Variants in SNCAIP observed in about 807,000 individuals in gnomAD.
SNCAIP encodes synphilin-1.
In SNCAIP, 43 loss-of-function variants were observed where a neutral mutation model predicts 86.7. The ratio of observed to expected loss-of-function variants is 0.50; its 90% CI spans 0.39 to 0.64. SNCAIP has a LOEUF of 0.64. Ranked by LOEUF, SNCAIP falls within the 30% of genes least tolerant of loss-of-function variation. The pLI is 0.00. For missense variants in SNCAIP, 981 were observed against 1,103.1 expected (o/e 0.89, Z 1.57); for synonymous variants, 417 against 427.2 (o/e 0.98, Z 0.29).
intron 7 of SNCAIP, among the ~76,000 whole-genome samples, chr5:122,442,763 T>G (rs1781339225): frequency 6.6e-6 from 1 of 152,226 alleles, no homozygotes; most frequent in Admixed American, 6.5e-5. Context: ...TTATTTTTCT[T>G]TTTAATATGT....
chr5:122,437,437 G>C (rs1335897613), intron 6 of SNCAIP: 2 of 152,060 alleles, frequency 1.3e-5, no homozygotes, highest in Non-Finnish European at 2.9e-5. Flanking sequence ...AAAAGACAAG[G>C]TATATAGTCA....
intron 3 of SNCAIP, among the ~76,000 whole-genome samples, chr5:122,416,975 A>T (rs1207996751): frequency 6.6e-6 from 1 of 152,168 alleles, no homozygotes. Flanking sequence ...AATAAAATCC[A>T]TTTAACTTTT....
At chr5:122,358,252 A>G (rs1375176341) in intron 1 of SNCAIP, among the ~76,000 whole-genome samples, 1 of 149,254 alleles carries the variant, frequency 6.7e-6, no homozygotes, top group Non-Finnish European at 1.5e-5. Flanking sequence ...CATGTGCACA[A>G]CGTGCAGGTT....
Position 122,329,459 on chromosome 5 carries a change from T to A in SNCAIP, c.-47+17175T>A, listed in dbSNP as rs376437638. The stretch of plus-strand genomic sequence containing the variant: ...TAGTTGTTAAATTGTTCTCAATTTA[T>A]GGTCTCCTTTCTATCCCCATTTCCA... On this transcript the variant is annotated intron_variant, in intron 1 of 10. Coordinates refer to ENST00000261368, the MANE Select transcript of SNCAIP (RefSeq NM_005460.4). Among the ~76,000 whole-genome samples the A allele has an allele frequency of 9.8e-5, 15 of 152,328 alleles. 1 individual carries two copies. The highest frequency in any genetic ancestry group is 4.2e-4 in the South Asian group (2 of 4,818).
At chr5:122,437,749 T>C (rs1410221661) in intron 6 of SNCAIP, among the ~76,000 whole-genome samples, 1 of 152,216 alleles carries the variant, frequency 6.6e-6, no homozygotes, top group East Asian at 1.9e-4. Context: ...ATTGTAACAA[T>C]ATAGGTTGAA....
At chr5:122,323,462 A>G (rs1447487453) in intron 1 of SNCAIP, 2 of 152,160 alleles carry the variant, frequency 1.3e-5, no homozygotes, top group African/African-American at 2.4e-5. Context: ...AGACTTGCTC[A>G]TTGCTTCTCT....
At chr5:122,456,381 T>C (rs941235072) in intron 10 of SNCAIP, among the ~76,000 whole-genome samples, 6 of 152,186 alleles carry the variant, frequency 3.9e-5, no homozygotes, top group Admixed American at 3.9e-4. Flanking sequence ...ACATCTACTA[T>C]AGTAATGGTC....
chr5:122,452,995 G>A lies in SNCAIP; in HGVS notation c.2754+1394G>A, dbSNP rs141470184. ...GAAGAGCATCTGTGTAACGACACAC[G>A]GTACGTGGTGCTAGGAGATATGCTG... On this transcript the variant is annotated intron_variant, in intron 10 of 10. Transcript: ENST00000261368. 682 of 1,536,656 alleles carry A rather than the reference G, an allele frequency of 4.4e-4. 1 individual carries two copies. The African/African-American group carries it at 7.1e-3, about 16-fold the overall frequency.
intron 1 of SNCAIP, among the ~76,000 whole-genome samples, chr5:122,349,676 G>C (rs529523391): frequency 2.8e-4 from 42 of 152,252 alleles, no homozygotes; most frequent in African/African-American, 1.0e-3. Flanking sequence ...TTGTGTTTCT[G>C]AGAGGTTGAA....
At chr5:122,450,082 T>G in intron 9 of SNCAIP, 145 bp downstream of exon 9, 1 of 664,246 alleles carries the variant, frequency 1.5e-6, no homozygotes, top group Non-Finnish European at 2.6e-6. Flanking sequence ...GAAATCACAG[T>G]GAAAAAGGCA....
intron 10 of SNCAIP, among the ~76,000 whole-genome samples, chr5:122,456,440 C>A (rs998047064): frequency 2.0e-5 from 3 of 152,118 alleles, no homozygotes; most frequent in Non-Finnish European, 4.4e-5. Flanking sequence ...CATTCCCCCA[C>A]CCCTAACACA....
intron 1 of SNCAIP, among the ~76,000 whole-genome samples, chr5:122,329,134 G>T (rs1162860729): frequency 1.3e-5 from 2 of 151,940 alleles, no homozygotes; most frequent in African/African-American, 4.8e-5. Flanking sequence ...GTCTGGCACA[G>T]AATTATAGCA....
In SNCAIP at chr5:122,423,762, T is replaced by TA. The variant is rs779821134; in HGVS notation, c.1002+24dup. ...CTGGTAAGTATAATCTAGTTCAGTA[T>TA]ACATGTCAATAGACTGGAGACTCCT... On this transcript the variant is annotated intron_variant, in intron 4 of 10. Coordinates refer to ENST00000261368, the MANE Select transcript of SNCAIP (RefSeq NM_005460.4). 3.8e-6 allele frequency: 6 copies of TA among 1,585,062 alleles called. No individual in the cohort carries two copies. In the Admixed American group the frequency reaches 1.0e-4, roughly 27 times the overall value.
At chr5:122,410,839 A>C (rs1018005876) in intron 3 of SNCAIP, among the ~76,000 whole-genome samples, 4 of 152,182 alleles carry the variant, frequency 2.6e-5, no homozygotes, top group African/African-American at 9.7e-5. Context: ...AACAAACAAA[A>C]AAAGAAAATA....
intron 5 of SNCAIP, among the ~76,000 whole-genome samples, chr5:122,430,857 A>G (rs1394563838): frequency 1.3e-5 from 2 of 152,094 alleles, no homozygotes; most frequent in Non-Finnish European, 2.9e-5. Context: ...TTCCTTAAAA[A>G]TGTAAAAGTT....
chr5:122,448,887 G>A lies in SNCAIP; in HGVS notation c.1593-958G>A, dbSNP rs192800057. ...AAAAATTAGCTGGGCGGAGTGGCGG[G>A]TGCCTGTAGTCCCAGTTACTCGGGA... On this transcript the variant is annotated intron_variant, in intron 8 of 10. Transcript: ENST00000261368. Among the ~76,000 whole-genome samples the A allele has an allele frequency of 5.6e-3, 837 of 149,658 alleles. 8 individuals are homozygous for A. The highest frequency in any genetic ancestry group is 0.019 in the African/African-American group (799 of 41,026).
intron 3 of SNCAIP, among the ~76,000 whole-genome samples, chr5:122,417,629 T>C (rs1014119485): frequency 6.6e-6 from 1 of 152,140 alleles, no homozygotes; most frequent in Admixed American, 6.5e-5. Flanking sequence ...TTTTCTTCTT[T>C]GGTTTTGGCA....
At chr5:122,358,513 C>T (rs1761573225) in intron 1 of SNCAIP, among the ~76,000 whole-genome samples, 1 of 151,980 alleles carries the variant, frequency 6.6e-6, no homozygotes, top group Non-Finnish European at 1.5e-5. Context: ...TCTTATCTGA[C>T]TTCCGGGAGA....
chr5:122,334,960 G>A (rs1412580160), intron 1 of SNCAIP, among the ~76,000 whole-genome samples: 3 of 152,178 alleles, frequency 2.0e-5, no homozygotes, highest in Non-Finnish European at 4.4e-5. Context: ...TGCATTGCCA[G>A]AGATATTACT....
Sources: allele counts gnomAD v4.1 joint callset (sites outside exome capture counted in the v4.1 genomes callset), GRCh38; gene constraint gnomAD v4.1.1; transcripts MANE v1.5; gene names NCBI Gene and HGNC (gene_info 2026-07-23, HGNC 2026-07-21).